SERPINB1: variants seen among roughly 807,000 people sequenced by gnomAD.
The protein encoded by SERPINB1 is serpin family B member 1.
In SERPINB1, 23 loss-of-function variants were observed where a neutral mutation model predicts 25.9. The observed-to-expected ratio is 0.89, with a 90% CI of 0.64 to 1.26. The LOEUF is 1.26. Among genes scored for constraint, SERPINB1 ranks in the 50% most tolerant of loss-of-function variants. The pLI, the probability that SERPINB1 is intolerant of heterozygous loss-of-function variation, is 0.00. For synonymous variants in SERPINB1, 178 were observed against 178.7 expected (o/e 1.00, Z 0.03); for missense variants, 399 against 463.6 (o/e 0.86, Z 1.28).
At position 2,833,719 on chromosome 6, in the gene SERPINB1, G is replaced by A. The variant is rs3200960; in HGVS notation, c.1029C>T (p.Phe343=). The A allele has an allele frequency of 2.5e-6, 4 of 1,614,228 alleles. No individual in the cohort carries two copies. The highest frequency in any genetic ancestry group is 3.4e-6 in the Non-Finnish European group (4 of 1,180,042). The change falls in exon 7 of 7, where the codon TTC becomes TTT. Residue 343 remains phenylalanine (F), a synonymous_variant. Coordinates refer to ENST00000380739, the MANE Select transcript of SERPINB1 (RefSeq NM_030666.4). Reference sequence around the variant, plus strand: ...AATTTTCTTCGGGCATCAACATGCAGAAAGTTGCGATGCCTGCTGTGGCAG... The same window carrying A: ...AATTTTCTTCGGGCATCAACATGCAAAAAGTTGCGATGCCTGCTGTGGCAG... ...AAAATAGIAT[F]CMLMPEENFT... is the part of the protein sequence containing the mutation.
At chr6:2,840,270 A>T in intron 2 of SERPINB1, 149 bp downstream of exon 2, 2 of 900,738 alleles carry the variant, frequency 2.2e-6, no homozygotes, top group Non-Finnish European at 3.3e-6. Flanking sequence ...AAGCCTGCAT[A>T]CAAGTGTGAC....
chr6:2,838,326 A>G (rs957077037), intron 3 of SERPINB1, among the ~76,000 whole-genome samples: 2 of 152,212 alleles, frequency 1.3e-5, no homozygotes, highest in Non-Finnish European at 2.9e-5. Context: ...AAAACCTCCA[A>G]GAGCTATCTT....
At chr6:2,834,608 A>G (rs546932496) in intron 6 of SERPINB1, among the ~76,000 whole-genome samples, 68 of 152,320 alleles carry the variant, frequency 4.5e-4, no homozygotes, top group African/African-American at 1.5e-3. Context: ...AACCCCTACC[A>G]CAATGGATTA....
At position 2,836,019 on chromosome 6, in the gene SERPINB1, T is replaced by C; in HGVS notation, c.572A>G (p.Asp191Gly). The C allele has an allele frequency of 3.1e-6, 5 of 1,614,216 alleles. No homozygotes were observed. Among genetic ancestry groups the C allele is most frequent in the Non-Finnish European group, 3.4e-6 (4 of 1,180,038 alleles). The change falls in exon 6 of 7, where the codon GAC (aspartate) becomes GGC (glycine). Residue 191 changes from aspartate (D) to glycine (G), a missense_variant. Coordinates refer to ENST00000380739, the MANE Select transcript of SERPINB1 (RefSeq NM_030666.4). ...ATACATCATTTTCACAGTTTTTCTG[T>C]CTTTCTGAACAGTTTTAAAAAATCA... ...TNAPFRLNKKDRKTVKMMYQK... is the reference protein window; with the variant it reads ...TNAPFRLNKKGRKTVKMMYQK...
In SERPINB1 at chr6:2,833,918, T is replaced by C. The variant is rs1202819709; in HGVS notation, c.830A>G (p.Lys277Arg). ...GTTGAGAGTGTAACTCTCTTCCAGT[T>C]TGAACCTGGGCAAGCTGACATTAAC... is the stretch of plus-strand genomic sequence containing the variant. Reference protein sequence around the residue: ...IEVNVSLPRFKLEESYTLNSD... With the variant: ...IEVNVSLPRFRLEESYTLNSD... The change falls in exon 7 of 7, where the codon AAA (lysine) becomes AGA (arginine). Residue 277 changes from lysine to arginine, a missense_variant. Transcript: ENST00000380739. 6.2e-7 allele frequency: 1 copy of C among 1,614,046 alleles called. No individual in the cohort carries two copies. The highest frequency in any genetic ancestry group is 1.7e-5 in the Admixed American group (1 of 59,998).
chr6:2,836,055 T>A (rs1362885147), intron 5 of SERPINB1, 32 bp from the exon 6 acceptor site: 1 of 1,613,740 alleles, frequency 6.2e-7, no homozygotes, highest in East Asian at 2.2e-5. Context: ...CTGAAATTAT[T>A]CTCTGCATTC....
chr6:2,840,343 C>T (rs924694952), intron 2 of SERPINB1, 76 bp downstream of exon 2: 7 of 1,556,048 alleles, frequency 4.5e-6, no homozygotes, highest in Middle Eastern at 1.7e-4. Flanking sequence ...AGCTCAAAGG[C>T]ACAACCTTTC....
rs139421263 is a variant in SERPINB1, at chr6:2,835,877, G to A, written c.714C>T (p.Asp238=). 14 of 1,613,710 alleles carry A rather than the reference G, an allele frequency of 8.7e-6. No individual in the cohort carries two copies. The highest frequency in any genetic ancestry group is 2.7e-5 in the African/African-American group (2 of 74,836). The change falls in exon 6 of 7, where the codon GAC becomes GAT. Residue 238 remains aspartate, a synonymous_variant. Transcript: ENST00000380739. ...MVILLPDDIE[D]ESTGLKKIEE... is the part of the protein sequence containing the mutation. ...ATACCTTCTTCAGGCCCGTGGACTCGTCCTCAATGTCATCCGGCAGCAGGA... is the reference window on the plus strand; with the variant it reads ...ATACCTTCTTCAGGCCCGTGGACTCATCCTCAATGTCATCCGGCAGCAGGA...
chr6:2,835,909 T>C lies in SERPINB1; in HGVS notation c.682A>G (p.Met228Val). The stretch of plus-strand genomic sequence containing the variant: ...ATGTCATCCGGCAGCAGGATGACCA[T>C]GCTGAGCTCCTCGCCTTGGTAAGGC... Reference protein sequence around the residue: ...ELPYQGEELSMVILLPDDIED... With the variant: ...ELPYQGEELSVVILLPDDIED... The change falls in exon 6 of 7, where the codon ATG becomes GTG. Residue 228 changes from methionine (M) to valine (V), a missense_variant. Physicochemically the swap from Met to Val is conservative, Grantham distance 21. Transcript: ENST00000380739. 2.5e-6 allele frequency: 4 copies of C among 1,614,118 alleles called. No homozygotes were observed. The highest frequency in any genetic ancestry group is 3.4e-6 in the Non-Finnish European group (4 of 1,180,054).
chr6:2,837,859 T>C lies in SERPINB1; in HGVS notation c.424+23A>G, dbSNP rs969595692. 4.1e-5 allele frequency: 63 copies of C among 1,537,136 alleles called. No homozygotes were observed. The highest frequency in any genetic ancestry group is 5.5e-5 in the Non-Finnish European group (61 of 1,110,842). On this transcript the variant is annotated intron_variant, in intron 4 of 6. Transcript: ENST00000380739. This position sits in a 1 kb window ranked among gnomAD's most constrained non-coding sequence, Gnocchi z 4.3. ...GAATGACATGACCAGCGCATAATGA[T>C]TCCATTCTGCCCAGGCTCTCACCTT...
chr6:2,832,701 G>A lies in SERPINB1; in HGVS notation c.*907C>T, dbSNP rs1766364599. 6.6e-6 allele frequency: 1 copy of A among 152,374 alleles called. No homozygotes were observed. The highest frequency in any genetic ancestry group is 1.5e-5 in the Non-Finnish European group (1 of 68,350). The allele number at this position is 152,374 out of a possible 1,614,324, so 9.4% of individuals were successfully genotyped here. A position where few individuals can be genotyped will look rare whatever the true frequency, so the allele number is the denominator to read the frequency against. Reference sequence around the variant, plus strand: ...GCATGCCTATAATCCCAGCTACTCAGGAGGCTGAAGCAAGAGAATCACTTG... The same window carrying A: ...GCATGCCTATAATCCCAGCTACTCAAGAGGCTGAAGCAAGAGAATCACTTG... On this transcript the variant is annotated 3_prime_UTR_variant, in exon 7 of 7. Transcript: ENST00000380739.
chr6:2,838,644 G>C lies in SERPINB1; in HGVS notation c.211C>G (p.Gln71Glu). 1 of 1,608,062 alleles carries C rather than the reference G, an allele frequency of 6.2e-7. No homozygotes were observed. Among genetic ancestry groups the C allele is most frequent in the Non-Finnish European group, 8.5e-7 (1 of 1,177,248 alleles). ...TTGTTGATATCAGCATTCAGACTCT[G>C]GAATCTTGAATGAACCTCTTCAACC... ...NTVEEVHSRFQSLNADINKRG... is the reference protein window; with the variant it reads ...NTVEEVHSRFESLNADINKRG... Residue 71 changes from glutamine to glutamate, a missense_variant, in exon 3 of 7, where the codon CAG becomes GAG. By Grantham distance (29) the Gln-to-Glu change is conservative (BLOSUM62 2). Coordinates refer to ENST00000380739, the MANE Select transcript of SERPINB1 (RefSeq NM_030666.4).
chr6:2,833,692 G>A lies in SERPINB1; in HGVS notation c.1056C>T (p.Phe352=), dbSNP rs61761876. The A allele has an allele frequency of 4.4e-4, 704 of 1,614,244 alleles. No homozygotes were observed. The highest frequency in any genetic ancestry group is 5.8e-4 in the Non-Finnish European group (686 of 1,180,030). ...AGAAAAGGAATGGATGGTCGGCAGTGAAATTTTCTTCGGGCATCAACATGC... is the reference window on the plus strand; with the variant it reads ...AGAAAAGGAATGGATGGTCGGCAGTAAAATTTTCTTCGGGCATCAACATGC... ...TFCMLMPEEN[F]TADHPFLFFI... The change falls in exon 7 of 7, where the codon TTC becomes TTT. Residue 352 remains phenylalanine, a synonymous_variant. Transcript: ENST00000380739.
chr6:2,838,466 A>C (rs1766556428), intron 3 of SERPINB1, 83 bp downstream of exon 3: 1 of 1,263,694 alleles, frequency 7.9e-7, no homozygotes, highest in South Asian at 2.3e-5. Flanking sequence ...CAAATATTAA[A>C]ACTGACCTCC....
chr6:2,841,025 C>T lies in SERPINB1; in HGVS notation c.-8-431G>A, dbSNP rs1048448112. Among the ~76,000 whole-genome samples, 1 of 152,064 alleles carries T rather than the reference C, an allele frequency of 6.6e-6. No individual in the cohort carries two copies. Among genetic ancestry groups the T allele is most frequent in the Non-Finnish European group, 1.5e-5 (1 of 68,026 alleles). ...GATTCATTGGGCAATGAATCCATTG[C>T]CTACCTTCACCTGAACTAAGAGCCT... On this transcript the variant is annotated intron_variant, in intron 1 of 6. Transcript: ENST00000380739. The surrounding 1 kb of genome is among the most constrained non-coding windows in gnomAD (Gnocchi z 4.5).
chr6:2,834,386 C>T (rs1227513496), intron 6 of SERPINB1, among the ~76,000 whole-genome samples: 4 of 150,846 alleles, frequency 2.7e-5, no homozygotes, highest in Admixed American at 2.6e-4. Context: ...CATTTATTCA[C>T]CTATCTACCC....
rs747974742 is a variant in SERPINB1 at position 2,838,558 on chromosome 6, A to G, written c.297T>C (p.Asn99=). The G allele has an allele frequency of 6.3e-7, 1 of 1,597,052 alleles. No homozygotes were observed. The highest frequency in any genetic ancestry group is 8.5e-7 in the Non-Finnish European group (1 of 1,172,700). ...AGGGCAAAGTACTTACAGGAAGGAA[A>G]TTGTAAGTTTTCTCTCCATATAATC... ...ANRLYGEKTY[N]FLPEFLVSTQ... The change falls in exon 3 of 7, where the codon AAT becomes AAC. Residue 99 remains asparagine, a synonymous_variant. Transcript: ENST00000380739.
Position 2,837,765 on chromosome 6 carries a change from C to G in SERPINB1, c.424+117G>C. On this transcript the variant is annotated intron_variant, in intron 4 of 6. Transcript: ENST00000380739. The surrounding 1 kb of genome is among the most constrained non-coding windows in gnomAD (Gnocchi z 4.3). ...CGGCAGCGTCCTCTGACTGTAACCA[C>G]GATGTGCGCCAGGACTGTGGGAGCT... 1 of 778,996 alleles carries G rather than the reference C, an allele frequency of 1.3e-6. No individual in the cohort carries two copies. Among genetic ancestry groups the G allele is most frequent in the Non-Finnish European group, 2.2e-6 (1 of 449,718 alleles). The allele number at this position is 778,996 out of a possible 1,614,324, so 48.3% of individuals were successfully genotyped here. A position where few individuals can be genotyped will look rare whatever the true frequency, so the allele number is the denominator to read the frequency against.
rs1476994496 is a variant in SERPINB1, at chr6:2,839,510, T to G, written c.169-824A>C. 2.5e-5 allele frequency: 24 copies of G among 975,938 alleles called. No homozygotes were observed. In the Admixed American group the frequency reaches 1.5e-3, roughly 61 times the overall value. The allele number at this position is 975,938 out of a possible 1,614,324, so 60.5% of individuals were successfully genotyped here. A position where few individuals can be genotyped will look rare whatever the true frequency, so the allele number is the denominator to read the frequency against. On this transcript the variant is annotated intron_variant, in intron 2 of 6. Transcript: ENST00000380739. Reference sequence around the variant, plus strand: ...AATTAGTAACAGAGGTTTTTTTTTTTTAATGGATTTAAAAAAAACATTTAA... The same window carrying G: ...AATTAGTAACAGAGGTTTTTTTTTTGTAATGGATTTAAAAAAAACATTTAA...
Sources: gnomAD v4.1 joint callset for allele counts (sites outside exome capture counted in the v4.1 genomes callset) on GRCh38, gnomAD v4.1.1 for gene constraint, Gnocchi (gnomAD v3.1) non-coding constraint, MANE v1.5 for transcripts, NCBI Gene and HGNC (gene_info 2026-07-23, HGNC 2026-07-21) for gene names.